The following APPBP2 variants were observed in gnomAD, a reference collection of about 807,000 sequenced individuals.
APPBP2 encodes amyloid beta precursor protein binding protein 2.
A neutral mutation model predicts 76.0 loss-of-function variants in APPBP2; 15 were observed. The observed-to-expected ratio is 0.20, with a 90% CI of 0.13 to 0.30. The LOEUF (loss-of-function observed/expected upper bound fraction) is 0.30. Ranked by LOEUF, APPBP2 falls within the 10% of genes least tolerant of loss-of-function variation. The pLI is 1.00. For missense variants in APPBP2, 401 were observed against 687.2 expected, an observed-to-expected ratio of 0.58 and a Z score of 4.66; for synonymous variants, 222 against 242.2, an observed-to-expected ratio of 0.92 and a Z score of 0.77.
chr17:60,494,595 G>C lies in APPBP2; in HGVS notation c.250C>G (p.Gln84Glu). 2 of 1,590,302 alleles carry C rather than the reference G, an allele frequency of 1.3e-6. No individual in the cohort carries two copies. Among genetic ancestry groups the C allele is most frequent in the Non-Finnish European group, 1.7e-6 (2 of 1,174,752 alleles). The change falls in exon 3 of 13, where the codon CAG becomes GAG. Residue 84 changes from glutamine (Q) to glutamate (E), a missense_variant. Around this residue, in one of 5 missense-constraint regions of APPBP2, gnomAD observed 149 missense variants for 198.4 expected, o/e 0.75. Coordinates refer to ENST00000083182, the MANE Select transcript of APPBP2 (RefSeq NM_006380.5). ...TTAACACCATGATCCATCAAAGCCT[G>C]AAAACAATGATGAAGCAAATGTCTG... ...DKRHLLHHCF[Q>E]ALMDHGVKVA...
chr17:60,474,392 T>C (rs540271350), intron 4 of APPBP2, among the ~76,000 whole-genome samples: 75 of 152,206 alleles, frequency 4.9e-4, no homozygotes, highest in African/African-American at 1.8e-3. Flanking sequence ...CAGGCTGGTC[T>C]TGAACTCCTG....
At chr17:60,523,398 G>C (rs2091025933) in intron 1 of APPBP2, among the ~76,000 whole-genome samples, 1 of 152,152 alleles carries the variant, frequency 6.6e-6, no homozygotes, top group Non-Finnish European at 1.5e-5. Context: ...TCAGGAGGCT[G>C]AGATGGAAAG....
intron 3 of APPBP2, among the ~76,000 whole-genome samples, chr17:60,485,440 T>C (rs2143400779): frequency 6.6e-6 from 1 of 152,350 alleles, no homozygotes; most frequent in East Asian, 1.9e-4. Flanking sequence ...GGAGGGTGTA[T>C]GTGTCCGGGC....
chr17:60,461,634 A>G, intron 8 of APPBP2, 176 bp downstream of exon 8: 1 of 485,728 alleles, frequency 2.1e-6, no homozygotes, highest in Non-Finnish European at 3.6e-6. Context: ...TTTAATTCCC[A>G]AAGCATTAAC....
chr17:60,479,335 T>A, intron 3 of APPBP2, 64 bp from the exon 4 acceptor site: 1 of 1,484,022 alleles, frequency 6.7e-7, no homozygotes, highest in South Asian at 1.3e-5. Context: ...TAAAATGACA[T>A]GCTGACAGTG....
chr17:60,464,083 T>C lies in APPBP2; in HGVS notation c.700A>G (p.Lys234Glu). ...EAYKWCIEAM[K>E]EITAGLPVKV... ...ACTGGTAAGCCTGCTGTAATTTCTT[T>C]CATTGCCTCGATGCACCATTTGTAT... The change falls in exon 6 of 13, where the codon AAA (lysine) becomes GAA (glutamate). Residue 234 changes from lysine to glutamate, a missense_variant. Lys to Glu is a moderately conservative substitution (Grantham distance 56). Coordinates refer to ENST00000083182, the MANE Select transcript of APPBP2 (RefSeq NM_006380.5). 1 of 1,612,482 alleles carries C rather than the reference T, an allele frequency of 6.2e-7. No homozygotes were observed. The highest frequency in any genetic ancestry group is 8.5e-7 in the Non-Finnish European group (1 of 1,179,354).
At chr17:60,495,428 TTTATTTATTTA>T (rs1373843545) in intron 2 of APPBP2, among the ~76,000 whole-genome samples, 3 of 123,268 alleles carry the variant, frequency 2.4e-5, no homozygotes, top group African/African-American at 4.4e-5. Flanking sequence ...TTAAAAATAT[TTTATTTATTTA>T]TTATTTATTT....
chr17:60,508,022 G>A (rs779077850), intron 1 of APPBP2, among the ~76,000 whole-genome samples: 1 of 151,368 alleles, frequency 6.6e-6, no homozygotes, highest in Non-Finnish European at 1.5e-5. Flanking sequence ...ACCCAGGCTG[G>A]AGTGCAGTGG....
At chr17:60,525,694 G>T in intron 1 of APPBP2, 100 bp downstream of exon 1, 1 of 1,550,010 alleles carries the variant, frequency 6.5e-7, no homozygotes, top group South Asian at 1.2e-5. Context: ...AAGTCTGCCG[G>T]AAGGGGTGAG....
chr17:60,513,845 C>T (rs2090940513), intron 1 of APPBP2, among the ~76,000 whole-genome samples: 1 of 147,902 alleles, frequency 6.8e-6, no homozygotes, highest in East Asian at 1.9e-4. Context: ...GAGTGAAACT[C>T]CATCTCAGAA....
In APPBP2 at chr17:60,445,282, A is replaced by G. The variant is rs980680991; in HGVS notation, c.*2299T>C. ...AAAACACAACTGGCTGCCAATTGAC[A>G]TTATCACCCTGTGATCCTAGGCTTC... On this transcript the variant is annotated 3_prime_UTR_variant, in exon 13 of 13. Transcript: ENST00000083182. The G allele has an allele frequency of 6.6e-6, 1 of 152,634 alleles. No homozygotes were observed. The highest frequency in any genetic ancestry group is 1.5e-5 in the Non-Finnish European group (1 of 68,040). The allele number at this position is 152,634 out of a possible 1,614,324, so 9.5% of individuals were successfully genotyped here. A position where few individuals can be genotyped will look rare whatever the true frequency, so the allele number is the denominator to read the frequency against.
chr17:60,474,630 C>G (rs1358429287), intron 4 of APPBP2, among the ~76,000 whole-genome samples: 1 of 152,066 alleles, frequency 6.6e-6, no homozygotes, highest in African/African-American at 2.4e-5. Context: ...TGTTTGGGAC[C>G]AATCATGTTT....
chr17:60,481,634 C>T (rs911376553), intron 3 of APPBP2, among the ~76,000 whole-genome samples: 1 of 151,930 alleles, frequency 6.6e-6, no homozygotes, highest in Non-Finnish European at 1.5e-5. Context: ...TAATATTGAC[C>T]CTAGAATTCA....
intron 1 of APPBP2, among the ~76,000 whole-genome samples, chr17:60,523,413 C>T (rs1014197539): frequency 6.6e-6 from 1 of 152,094 alleles, no homozygotes; most frequent in Non-Finnish European, 1.5e-5. Context: ...GGAAAGACTG[C>T]TTAAGCCCAG....
At position 60,497,561 on chromosome 17, in the gene APPBP2, GATT is replaced by G. The variant is rs2090786686; in HGVS notation, c.227+2835_227+2837del. 4.6e-5 allele frequency among the ~76,000 whole-genome samples: 7 copies of G among 152,164 alleles called. No individual in the cohort carries two copies. In the South Asian group the frequency reaches 1.5e-3, roughly 32 times the overall value. ...ATGAACACCTCATTTATCTTGATGT[GATT>G]ATTACACATTGCATGCTTGTATCAA... On this transcript the variant is annotated intron_variant, in intron 2 of 12. Transcript: ENST00000083182.
At chr17:60,493,322 T>C (rs2090746016) in intron 3 of APPBP2, among the ~76,000 whole-genome samples, 1 of 151,924 alleles carries the variant, frequency 6.6e-6, no homozygotes, top group Admixed American at 6.6e-5. Flanking sequence ...CAAAATAAAA[T>C]AATAAAACAA....
intron 4 of APPBP2, among the ~76,000 whole-genome samples, chr17:60,474,183 T>G (rs58532694): frequency 0.078 from 11,902 of 151,954 alleles, 1,579 homozygotes; most frequent in African/African-American, 0.27. Flanking sequence ...TTTTATTTTT[T>G]TTTTTTGAGA....
chr17:60,475,832 C>T (rs887646217), intron 4 of APPBP2, among the ~76,000 whole-genome samples: 14 of 152,112 alleles, frequency 9.2e-5, no homozygotes, highest in African/African-American at 3.4e-4. Flanking sequence ...TAAGTTTGTT[C>T]TGCCCAACTC....
At chr17:60,450,164 G>A (rs1026531778) in intron 12 of APPBP2, among the ~76,000 whole-genome samples, 1 of 151,752 alleles carries the variant, frequency 6.6e-6, no homozygotes, top group Admixed American at 6.6e-5. Flanking sequence ...GGCTGGACGC[G>A]GTGGCTCATG....
Sources: gnomAD v4.1 joint callset for allele counts (sites outside exome capture counted in the v4.1 genomes callset) on GRCh38, gnomAD v4.1.1 for gene constraint, gnomAD v4.1.1 regional missense constraint, MANE v1.5 for transcripts, NCBI Gene and HGNC (gene_info 2026-07-23, HGNC 2026-07-21) for gene names.